CCDC7: variants seen among roughly 807,000 people sequenced by gnomAD.
CCDC7 encodes the protein coiled-coil domain containing 7, also known as coiled-coil domain-containing protein 7.
CCDC7 carries 183 observed loss-of-function variants against 196.9 expected under a neutral mutation model. The ratio of observed to expected loss-of-function variants is 0.93; its 90% CI spans 0.82 to 1.05. CCDC7 has a LOEUF of 1.05. CCDC7 is among the 50% of genes least tolerant of loss of function. The pLI, the probability that CCDC7 is intolerant of heterozygous loss-of-function variation, is 0.00. For synonymous variants in CCDC7, 525 were observed against 484.6 expected (o/e 1.08, Z -1.10); for missense variants, 1,540 against 1,482.2 (o/e 1.04, Z -0.64).
rs1341097210 is a variant in CCDC7, at chr10:32,511,831, C to T, written c.873-6114C>T. 3.7e-6 allele frequency: 3 copies of T among 813,064 alleles called. No homozygotes were observed. The African/African-American group carries it at 5.1e-5, about 14-fold the overall frequency. 50.4% of individuals were successfully genotyped at this position (813,064 alleles called of 1,614,324 possible). A position where few individuals can be genotyped will look rare whatever the true frequency, so the allele number is the denominator to read the frequency against. On this transcript the variant is annotated intron_variant, in intron 9 of 41. Transcript: ENST00000639629. ...GACGCGCCAGCTCTGCCCGCGCCAC[C>T]AGCGGCGCTTTCCGATGATCTCACC...
At chr10:32,667,921 T>A (rs1182025832) in intron 21 of CCDC7, among the ~76,000 whole-genome samples, 1 of 152,114 alleles carries the variant, frequency 6.6e-6, no homozygotes, top group Non-Finnish European at 1.5e-5. Context: ...CACTGGTAGC[T>A]TGATGGGGAT....
chr10:32,758,187 A>G (rs1592427753), intron 28 of CCDC7, among the ~76,000 whole-genome samples: 3 of 152,196 alleles, frequency 2.0e-5, no homozygotes, highest in East Asian at 3.9e-4. Context: ...AGGGGCTGGG[A>G]CCATTCCTTC....
chr10:32,680,206 T>C (rs960938547), intron 21 of CCDC7, among the ~76,000 whole-genome samples: 9 of 152,200 alleles, frequency 5.9e-5, no homozygotes, highest in Non-Finnish European at 8.8e-5. Context: ...GTGGTAAGTA[T>C]AGGACATTGG....
rs370921476 is a variant in CCDC7 at position 32,556,655 on chromosome 10, A to G, written c.1135-8903A>G. Among the ~76,000 whole-genome samples, 3 of 152,154 alleles carry G rather than the reference A, an allele frequency of 2.0e-5. No homozygotes were observed. The East Asian group carries it at 5.8e-4, about 29-fold the overall frequency. ...GAGATATGTCTTCCATTTAATTTAC[A>G]AGATTTCTAAACTTATTCTCAAAAG... On this transcript the variant is annotated intron_variant, in intron 13 of 41. Coordinates refer to ENST00000639629, the Ensembl canonical transcript of CCDC7.
At chr10:32,711,115 GGT>G (rs201148511) in intron 24 of CCDC7, among the ~76,000 whole-genome samples, 2 of 145,766 alleles carry the variant, frequency 1.4e-5, no homozygotes, top group Non-Finnish European at 1.5e-5. Flanking sequence ...CATTGTTTCT[GGT>G]GTGTGTGTGT....
At chr10:32,528,743 T>C (rs1291801884) in intron 11 of CCDC7, among the ~76,000 whole-genome samples, 1 of 144,568 alleles carries the variant, frequency 6.9e-6, no homozygotes, top group Non-Finnish European at 1.5e-5. Flanking sequence ...TATATATGTA[T>C]ATATACATAT....
intron 29 of CCDC7, among the ~76,000 whole-genome samples, chr10:32,788,496 G>A (rs1441893313): frequency 1.3e-5 from 2 of 152,182 alleles, no homozygotes; most frequent in South Asian, 2.1e-4. Context: ...CCAGTGTCAG[G>A]TAATTTTCTG....
chr10:32,524,608 C>T (rs2048378025), intron 11 of CCDC7, among the ~76,000 whole-genome samples: 1 of 152,152 alleles, frequency 6.6e-6, no homozygotes, highest in African/African-American at 2.4e-5. Flanking sequence ...ATGGAAAGGT[C>T]TTTATTTCTC....
intron 41 of CCDC7, among the ~76,000 whole-genome samples, chr10:32,873,371 G>A (rs1372175725): frequency 6.6e-6 from 1 of 152,016 alleles, no homozygotes; most frequent in Non-Finnish European, 1.5e-5. Context: ...CTCGTGCCAT[G>A]GTTTTCAGCT....
chr10:32,778,000 C>T (rs776663853), intron 28 of CCDC7, among the ~76,000 whole-genome samples: 4 of 152,072 alleles, frequency 2.6e-5, no homozygotes, highest in African/African-American at 7.2e-5. Context: ...TCTTTTGAGA[C>T]GATTCTGTTT....
At chr10:32,507,229 G>A (rs1438300389) in intron 9 of CCDC7, among the ~76,000 whole-genome samples, 2 of 152,012 alleles carry the variant, frequency 1.3e-5, no homozygotes, top group Non-Finnish European at 2.9e-5. Context: ...TTGAGCTTGT[G>A]ATCCGCCCAC....
intron 41 of CCDC7, among the ~76,000 whole-genome samples, chr10:32,863,265 A>G (rs2094073879): frequency 6.6e-6 from 1 of 152,138 alleles, no homozygotes; most frequent in Non-Finnish European, 1.5e-5. Flanking sequence ...TTTCAAAGCT[A>G]TAGTAATCAA....
chr10:32,535,778 G>A (rs932381783), intron 11 of CCDC7, among the ~76,000 whole-genome samples: 5 of 152,184 alleles, frequency 3.3e-5, no homozygotes, highest in Admixed American at 6.5e-5. Context: ...AAGATATTAC[G>A]TTAATTACGT....
chr10:32,667,856 T>C (rs1050487663), intron 21 of CCDC7, among the ~76,000 whole-genome samples: 9 of 152,148 alleles, frequency 5.9e-5, no homozygotes, highest in African/African-American at 1.7e-4. Context: ...ATGCAGGCTC[T>C]TTTTTGGTTC....
intron 24 of CCDC7, among the ~76,000 whole-genome samples, chr10:32,701,658 AG>A (rs1428047614): frequency 1.3e-5 from 2 of 151,884 alleles, no homozygotes; most frequent in Non-Finnish European, 2.9e-5. Context: ...GGACTTTTTT[AG>A]GTTGGTAGGC....
chr10:32,838,239 C>G (rs1030614227), intron 33 of CCDC7, among the ~76,000 whole-genome samples: 1 of 151,982 alleles, frequency 6.6e-6, no homozygotes, highest in African/African-American at 2.4e-5. Flanking sequence ...TTTATTTTCT[C>G]ACAGTTCTGA....
intron 31 of CCDC7, among the ~76,000 whole-genome samples, chr10:32,816,556 C>A (rs1236409517): frequency 2.0e-5 from 3 of 152,188 alleles, no homozygotes; most frequent in African/African-American, 4.8e-5. Flanking sequence ...GGTTCCTGAC[C>A]CTCGAGTAGC....
At chr10:32,513,378 A>G (rs753941405) in intron 9 of CCDC7, 1 of 152,132 alleles carries the variant, frequency 6.6e-6, no homozygotes, top group Non-Finnish European at 1.5e-5. Flanking sequence ...AGAAATGCTT[A>G]GGCCAGATGA....
chr10:32,586,385 C>T lies in CCDC7; in HGVS notation c.1801+2081C>T, dbSNP rs561885477. Among the ~76,000 whole-genome samples, 6 of 152,204 alleles carry T rather than the reference C, an allele frequency of 3.9e-5. No individual in the cohort carries two copies. In the South Asian group the frequency reaches 1.2e-3, roughly 32 times the overall value. On this transcript the variant is annotated intron_variant, in intron 18 of 41. Transcript: ENST00000639629. ...CAGAAACTCTTTAGTTTAATTAGAT[C>T]TTATTTGTCAATTTTGGCTTTTGTT...
Sources: gnomAD v4.1 joint callset for allele counts (sites outside exome capture counted in the v4.1 genomes callset) on GRCh38, gnomAD v4.1.1 for gene constraint, MANE v1.5 for transcripts, NCBI Gene and HGNC (gene_info 2026-07-23, HGNC 2026-07-21) for gene names.